The following TTYH2 variants were observed in gnomAD, a reference collection of about 807,000 sequenced individuals.
The protein encoded by TTYH2 is tweety family member 2, also known as protein tweety homolog 2.
TTYH2 carries 49 observed loss-of-function variants against 68.3 expected under a neutral mutation model. The observed-to-expected ratio is 0.72, with a 90% CI of 0.57 to 0.91. The LOEUF is 0.91. TTYH2 is among the 40% of genes least tolerant of loss of function. The pLI, the probability that TTYH2 is intolerant of heterozygous loss-of-function variation, is 0.00. For missense variants in TTYH2, 631 were observed against 700.4 expected (o/e 0.90, Z 1.12); for synonymous variants, 272 against 300.8 (o/e 0.90, Z 0.99).
chr17:74,250,570 G>A (rs7223962), intron 10 of TTYH2: 15 of 542,178 alleles, frequency 2.8e-5, no homozygotes, highest in Middle Eastern at 4.8e-4. Flanking sequence ...CCAGGGGTTC[G>A]GGATGGGAGG....
Position 74,249,206 on chromosome 17 carries a change from T to C in TTYH2, c.874+126T>C, listed in dbSNP as rs2050592761. ...AACCCTGAACTTCAAGTCCAGCTCATGCTCTAGGCCATTTCCTAGAAAGTG... is the reference window on the plus strand; with the variant it reads ...AACCCTGAACTTCAAGTCCAGCTCACGCTCTAGGCCATTTCCTAGAAAGTG... On this transcript the variant is annotated intron_variant, in intron 7 of 13. Transcript: ENST00000269346. 7.7e-6 allele frequency: 12 copies of C among 1,557,708 alleles called. No individual in the cohort carries two copies. The South Asian group carries it at 1.3e-4, about 17-fold the overall frequency.
rs548386676 is a variant in TTYH2, at chr17:74,232,492, C to T, written c.414+1493C>T. ...AACAGCCTTGCGCGGTGAGCTGGGG[C>T]GGCTGGGTTGGAGGAGCTGAGGGAC... On this transcript the variant is annotated intron_variant, in intron 3 of 13. Transcript: ENST00000269346. This position sits in a 1 kb window ranked among gnomAD's most constrained non-coding sequence, Gnocchi z 5.1. 2.6e-5 allele frequency among the ~76,000 whole-genome samples: 4 copies of T among 152,314 alleles called. No individual in the cohort carries two copies. Among genetic ancestry groups the T allele is most frequent in the East Asian group, 3.9e-4 (2 of 5,162 alleles).
chr17:74,225,245 T>C (rs1434416753), intron 2 of TTYH2, among the ~76,000 whole-genome samples: 1 of 151,046 alleles, frequency 6.6e-6, no homozygotes, highest in African/African-American at 2.4e-5. Flanking sequence ...GAAGCCAATG[T>C]GGCCAGAGCA....
chr17:74,255,735 C>G (rs1445491638), intron 13 of TTYH2, among the ~76,000 whole-genome samples: 2 of 152,080 alleles, frequency 1.3e-5, no homozygotes, highest in Non-Finnish European at 2.9e-5. Flanking sequence ...CCGTGCCCGG[C>G]CAGAGCTGTG....
In TTYH2 at chr17:74,253,849, G is replaced by T. The variant is rs1432607893; in HGVS notation, c.1524+16G>T. Reference sequence around the variant, plus strand: ...TCCGCCTACGGTAATTGGGGCTCTGGCCCTTCCTTGTTGGGGTAATACATA... The same window carrying T: ...TCCGCCTACGGTAATTGGGGCTCTGTCCCTTCCTTGTTGGGGTAATACATA... On this transcript the variant is annotated intron_variant, in intron 13 of 13. Transcript: ENST00000269346. 6.2e-7 allele frequency: 1 copy of T among 1,613,668 alleles called. No individual in the cohort carries two copies. Among genetic ancestry groups the T allele is most frequent in the African/African-American group, 1.3e-5 (1 of 74,928 alleles).
intron 3 of TTYH2, among the ~76,000 whole-genome samples, chr17:74,233,308 T>A (rs1275103827): frequency 6.6e-6 from 1 of 152,122 alleles, no homozygotes; most frequent in Non-Finnish European, 1.5e-5. Flanking sequence ...TCCTCAGGGC[T>A]CCAGGGGAGG....
intron 1 of TTYH2, among the ~76,000 whole-genome samples, chr17:74,216,665 G>A (rs529890763): frequency 3.9e-5 from 6 of 152,334 alleles, no homozygotes; most frequent in Admixed American, 2.6e-4. Flanking sequence ...CAGCCTTGTG[G>A]GGAGGCTACC....
At chr17:74,230,842 T>C (rs747016580) in intron 2 of TTYH2, 46 bp from the exon 3 acceptor site, 36 of 1,587,182 alleles carry the variant, frequency 2.3e-5, no homozygotes, top group Non-Finnish European at 3.0e-5. Flanking sequence ...GCAAACATTC[T>C]CCTCTGTGTA....
At chr17:74,236,895 CTTTT>C (rs553285799) in intron 3 of TTYH2, among the ~76,000 whole-genome samples, 1 of 133,412 alleles carries the variant, frequency 7.5e-6, no homozygotes. Context: ...GCCAGGCCAG[CTTTT>C]TTTTTTTTTT....
chr17:74,223,696 G>A (rs910648009), intron 2 of TTYH2, among the ~76,000 whole-genome samples: 1 of 152,166 alleles, frequency 6.6e-6, no homozygotes, highest in Non-Finnish European at 1.5e-5. Flanking sequence ...AAAGCCTCTA[G>A]TGTCCACGCA....
At chr17:74,233,178 G>A (rs768235362) in intron 3 of TTYH2, among the ~76,000 whole-genome samples, 6 of 152,240 alleles carry the variant, frequency 3.9e-5, no homozygotes, top group East Asian at 1.9e-4. Flanking sequence ...CCCCTCTGGC[G>A]TGAACCCCTA....
rs1374064839 is a variant in TTYH2, at chr17:74,213,774, C to T, written c.129+58C>T. 5 of 1,579,854 alleles carry T rather than the reference C, an allele frequency of 3.2e-6. No homozygotes were observed. Among genetic ancestry groups the T allele is most frequent in the Admixed American group, 3.5e-5 (2 of 57,512 alleles). ...CGCGCCCCAAGTCCCCGCACTACCC[C>T]CTCTCCCCTCGAGAGCCTGCACTTT... On this transcript the variant is annotated intron_variant, in intron 1 of 13. Transcript: ENST00000269346. The surrounding 1 kb of genome is among the most constrained non-coding windows in gnomAD (Gnocchi z 6.1).
Position 74,257,369 on chromosome 17 carries a change from G to A in TTYH2, c.1525-2760G>A, listed in dbSNP as rs527894511. On this transcript the variant is annotated intron_variant, in intron 13 of 13. Coordinates refer to ENST00000269346, the MANE Select transcript of TTYH2 (RefSeq NM_032646.6). ...ACCCTTCCACCTCCATGCCCGGTAAGGGACCTAGAGAGACATCTAATGATG... is the reference window on the plus strand; with the variant it reads ...ACCCTTCCACCTCCATGCCCGGTAAAGGACCTAGAGAGACATCTAATGATG... Among the ~76,000 whole-genome samples, 3 of 152,326 alleles carry A rather than the reference G, an allele frequency of 2.0e-5. No homozygotes were observed. In the East Asian group the frequency reaches 5.8e-4, roughly 29 times the overall value.
chr17:74,260,557 C>T lies in TTYH2; in HGVS notation c.*348C>T. 1 of 333,368 alleles carries T rather than the reference C, an allele frequency of 3.0e-6. No individual in the cohort carries two copies. 20.7% of individuals were successfully genotyped at this position (333,368 alleles called of 1,614,324 possible). On this transcript the variant is annotated 3_prime_UTR_variant, in exon 14 of 14. Coordinates refer to ENST00000269346, the MANE Select transcript of TTYH2 (RefSeq NM_032646.6). Reference sequence around the variant, plus strand: ...AGGAGGGGGCCAGGTCAGGCACCACCATCAAGAGAGCTGTGTGTTCTCTCT... The same window carrying T: ...AGGAGGGGGCCAGGTCAGGCACCACTATCAAGAGAGCTGTGTGTTCTCTCT...
rs897144202 is a variant in TTYH2 at position 74,232,670 on chromosome 17, C to T, written c.414+1671C>T. ...CCCCTCCCTGCCATCCTGCTGCCTG[C>T]CTCCTCTTCACCCACCAGCACCAGG... On this transcript the variant is annotated intron_variant, in intron 3 of 13. Transcript: ENST00000269346. This position sits in a 1 kb window ranked among gnomAD's most constrained non-coding sequence, Gnocchi z 5.1. Among the ~76,000 whole-genome samples the T allele has an allele frequency of 2.6e-5, 4 of 152,172 alleles. No individual in the cohort carries two copies. Among genetic ancestry groups the T allele is most frequent in the Non-Finnish European group, 5.9e-5 (4 of 68,010 alleles).
intron 2 of TTYH2, among the ~76,000 whole-genome samples, chr17:74,223,257 C>T (rs993972844): frequency 6.6e-6 from 1 of 150,430 alleles, no homozygotes; most frequent in African/African-American, 2.5e-5. Flanking sequence ...TACAGGTGCA[C>T]ACCACCATGC....
At position 74,222,626 on chromosome 17, in the gene TTYH2, T is replaced by A. The variant is rs1445255768; in HGVS notation, c.271T>A (p.Trp91Arg). Residue 91 changes from tryptophan to arginine, a missense_variant, in exon 2 of 14, where the codon TGG (tryptophan) becomes AGG (arginine). Trp to Arg is a moderately radical substitution (Grantham distance 101). Transcript: ENST00000269346. This position sits in a 1 kb window ranked among gnomAD's most constrained non-coding sequence, Gnocchi z 5.2. ...TKQHHSCCITWTAVVAGLICC... is the reference protein window; with the variant it reads ...TKQHHSCCITRTAVVAGLICC... ...GCAGCACCACTCCTGCTGCATCACCTGGACGGCCGTGGTGGCCGGGCTCAT... is the reference window on the plus strand; with the variant it reads ...GCAGCACCACTCCTGCTGCATCACCAGGACGGCCGTGGTGGCCGGGCTCAT... 6.2e-7 allele frequency: 1 copy of A among 1,610,974 alleles called. No homozygotes were observed. Among genetic ancestry groups the A allele is most frequent in the South Asian group, 1.1e-5 (1 of 91,046 alleles).
intron 3 of TTYH2, among the ~76,000 whole-genome samples, chr17:74,236,363 T>C (rs907915563): frequency 6.6e-6 from 1 of 152,226 alleles, no homozygotes; most frequent in African/African-American, 2.4e-5. Flanking sequence ...AGAAATCCTA[T>C]TGTGGGGATA....
chr17:74,227,749 G>GTTTTTTTTTTGT (rs1260767187), intron 2 of TTYH2, among the ~76,000 whole-genome samples: 1 of 133,344 alleles, frequency 7.5e-6, no homozygotes, highest in East Asian at 2.1e-4. Flanking sequence ...CAGGAACCTT[G>GTTTTTTTTTTGT]TTTTTTTTTT....
Sources: gnomAD v4.1 joint callset for allele counts (sites outside exome capture counted in the v4.1 genomes callset) on GRCh38, gnomAD v4.1.1 for gene constraint, Gnocchi (gnomAD v3.1) non-coding constraint, MANE v1.5 for transcripts, NCBI Gene and HGNC (gene_info 2026-07-23, HGNC 2026-07-21) for gene names.